SPAG16: variants seen among roughly 807,000 people sequenced by gnomAD.
SPAG16 encodes sperm-associated antigen 16 protein.
SPAG16 carries 86 observed loss-of-function variants against 80.4 expected under a neutral mutation model. The observed-to-expected ratio is 1.07, with a 90% confidence interval of 0.90 to 1.28. The LOEUF is 1.28. Ranked by LOEUF, SPAG16 falls within the 50% of genes most tolerant of loss-of-function variation. SPAG16 has a pLI of 0.00. For missense variants in SPAG16, 870 were observed against 765.3 expected (o/e 1.14, Z -1.61); for synonymous variants, 294 against 265.9 (o/e 1.11, Z -1.03).
chr2:213,692,699 A>G (rs959342477), intron 10 of SPAG16, among the ~76,000 whole-genome samples: 4 of 151,428 alleles, frequency 2.6e-5, no homozygotes, highest in African/African-American at 7.3e-5. Context: ...AGTCCCAGCT[A>G]TTTGGGAGGA....
rs79140989 is a variant in SPAG16, at chr2:213,584,670, G to A, written c.1070+94580G>A. Among the ~76,000 whole-genome samples the A allele has an allele frequency of 7.9e-3, 1,209 of 152,176 alleles. 14 individuals are homozygous for A. The highest frequency in any genetic ancestry group is 0.028 in the African/African-American group (1,161 of 41,508). ...CGGACAGACGGACGGATGGACGGGA[G>A]GAAGTGAGGGAAACTAGACAGAGTT... On this transcript the variant is annotated intron_variant, in intron 10 of 15. Transcript: ENST00000331683.
chr2:213,447,348 G>A (rs532918878), intron 9 of SPAG16, among the ~76,000 whole-genome samples: 6 of 152,242 alleles, frequency 3.9e-5, no homozygotes, highest in East Asian at 1.9e-4. Flanking sequence ...CCAGAACTTC[G>A]GAAACTGGCT....
intron 9 of SPAG16, among the ~76,000 whole-genome samples, chr2:213,390,104 CATT>C (rs1427568723): frequency 6.6e-6 from 1 of 152,082 alleles, no homozygotes; most frequent in African/African-American, 2.4e-5. Flanking sequence ...AGCTTGAGGA[CATT>C]ATGCTAAGTG....
intron 10 of SPAG16, among the ~76,000 whole-genome samples, chr2:213,770,799 C>T (rs979401176): frequency 4.6e-5 from 7 of 152,108 alleles, no homozygotes; most frequent in Non-Finnish European, 8.8e-5. Context: ...TGATCTAGTT[C>T]CTTTTTATGG....
At chr2:213,970,525 C>G (rs961160501) in intron 12 of SPAG16, among the ~76,000 whole-genome samples, 4 of 152,084 alleles carry the variant, frequency 2.6e-5, no homozygotes, top group African/African-American at 9.7e-5. Context: ...TGGCCTCGAG[C>G]TCCTGAACAC....
chr2:214,059,658 T>A (rs1664094431), intron 13 of SPAG16, among the ~76,000 whole-genome samples: 1 of 152,174 alleles, frequency 6.6e-6, no homozygotes, highest in South Asian at 2.1e-4. Flanking sequence ...GAGTTCTTCA[T>A]CAGTTCTAGT....
intron 5 of SPAG16, among the ~76,000 whole-genome samples, chr2:213,319,749 A>G (rs1162060794): frequency 6.6e-6 from 1 of 151,990 alleles, no homozygotes; most frequent in Admixed American, 6.6e-5. Context: ...GTGACATTGA[A>G]TAGTCATTGT....
rs998205874 is a variant in SPAG16, at chr2:214,010,540, C to T, written c.1401-3411C>T. Among the ~76,000 whole-genome samples, 3 of 146,440 alleles carry T rather than the reference C, an allele frequency of 2.0e-5. 1 individual carries two copies. The highest frequency in any genetic ancestry group is 5.4e-5 in the African/African-American group (2 of 37,364). The stretch of plus-strand genomic sequence containing the variant: ...AGGGCTCTTGGGTGTAAACAGCAAA[C>T]GAACCCCAAAGAAGGTTGGATGGGA... On this transcript the variant is annotated intron_variant, in intron 12 of 15. Transcript: ENST00000331683.
chr2:214,156,173 A>G (rs1313936526), intron 15 of SPAG16, among the ~76,000 whole-genome samples: 6 of 152,194 alleles, frequency 3.9e-5, no homozygotes, highest in Admixed American at 3.9e-4. Flanking sequence ...AAAACACTAA[A>G]AGAGAATCTC....
chr2:214,332,287 T>C (rs1303655298), intron 15 of SPAG16, among the ~76,000 whole-genome samples: 1 of 152,170 alleles, frequency 6.6e-6, no homozygotes, highest in Non-Finnish European at 1.5e-5. Flanking sequence ...TTTGTCACAA[T>C]GTTGCTTTGT....
At chr2:213,513,665 C>A (rs988154389) in intron 10 of SPAG16, among the ~76,000 whole-genome samples, 4 of 152,148 alleles carry the variant, frequency 2.6e-5, no homozygotes, top group African/African-American at 9.7e-5. Flanking sequence ...GAGCTAGATG[C>A]AAGGAAGACT....
intron 10 of SPAG16, among the ~76,000 whole-genome samples, chr2:213,520,375 A>G (rs2075613600): frequency 6.6e-6 from 1 of 152,020 alleles, no homozygotes. Context: ...TCACGAGGTC[A>G]GGAGATTGAG....
intron 14 of SPAG16, among the ~76,000 whole-genome samples, chr2:214,147,222 A>G (rs1345497959): frequency 1.3e-5 from 2 of 152,164 alleles, no homozygotes; most frequent in Admixed American, 6.5e-5. Flanking sequence ...TTATCAAACT[A>G]TTGCACTTGA....
At chr2:213,853,448 C>T (rs1001351076) in intron 10 of SPAG16, among the ~76,000 whole-genome samples, 8 of 151,936 alleles carry the variant, frequency 5.3e-5, no homozygotes, top group South Asian at 4.1e-4. Flanking sequence ...CTATTATAAA[C>T]GAAAAAAATC....
chr2:213,713,241 C>G (rs1341448825), intron 10 of SPAG16, among the ~76,000 whole-genome samples: 3 of 152,116 alleles, frequency 2.0e-5, no homozygotes, highest in Non-Finnish European at 4.4e-5. Flanking sequence ...ACAGCCAAAC[C>G]ATACCACTGC....
intron 10 of SPAG16, among the ~76,000 whole-genome samples, chr2:213,860,713 ACTT>A (rs2075418330): frequency 6.6e-6 from 1 of 152,050 alleles, no homozygotes; most frequent in South Asian, 2.1e-4. Flanking sequence ...TTTTGCCTTA[ACTT>A]CTACAAATAA....
intron 15 of SPAG16, among the ~76,000 whole-genome samples, chr2:214,259,453 G>A (rs113116746): frequency 0.022 from 3,102 of 143,612 alleles, 72 homozygotes; most frequent in African/African-American, 0.055. Context: ...AGAAATAAAT[G>A]CGTACACACA....
At chr2:214,023,160 C>A (rs983370258) in intron 13 of SPAG16, among the ~76,000 whole-genome samples, 3 of 151,878 alleles carry the variant, frequency 2.0e-5, no homozygotes, top group Non-Finnish European at 4.4e-5. Context: ...AGTAGGTAAT[C>A]ACTTATGTTC....
At chr2:214,330,005 G>A (rs1696792067) in intron 15 of SPAG16, among the ~76,000 whole-genome samples, 1 of 152,034 alleles carries the variant, frequency 6.6e-6, no homozygotes, top group South Asian at 2.1e-4. Flanking sequence ...GGTGGCTCAT[G>A]CTTGTAATCC....
Sources: gnomAD v4.1 joint callset for allele counts (sites outside exome capture counted in the v4.1 genomes callset) on GRCh38, gnomAD v4.1.1 for gene constraint, MANE v1.5 for transcripts, NCBI Gene and HGNC (gene_info 2026-07-23, HGNC 2026-07-21) for gene names.